OTUD5: variants seen among roughly 807,000 people sequenced by gnomAD.
The protein encoded by OTUD5 is OTU deubiquitinase 5, also known as OTU domain-containing protein 5.
Under a neutral mutation model 36.3 loss-of-function variants are expected in OTUD5, and 2 were observed. The ratio of observed to expected loss-of-function variants is 0.06; its 90% CI spans 0.02 to 0.17. OTUD5 has a LOEUF of 0.17. Among genes scored for constraint, OTUD5 ranks in the 10% least tolerant of loss-of-function variants. The pLI is 1.00. For synonymous variants in OTUD5, 234 were observed against 214.9 expected (o/e 1.09, Z -0.78); for missense variants, 233 against 512.3 (o/e 0.45, Z 5.26).
Position 48,957,395 on chromosome X carries a change from G to A in OTUD5, c.176C>T (p.Ala59Val). 1.8e-6 allele frequency: 2 copies of A among 1,100,765 alleles called. No individual in the cohort carries two copies. Among genetic ancestry groups the A allele is most frequent in the Non-Finnish European group, 2.4e-6 (2 of 848,003 alleles). 90.7% of individuals were successfully genotyped at this position (1,100,765 alleles called of 1,213,427 possible). The change falls in exon 1 of 9, where the codon GCC becomes GTC. Residue 59 changes from alanine to valine, a missense_variant. By Grantham distance (64) the Ala-to-Val change is moderately conservative. This residue lies in a region of OTUD5 where 155 missense variants were observed against 217.2 expected (regional missense o/e 0.71). Coordinates refer to ENST00000376488, the MANE Select transcript of OTUD5 (RefSeq NM_001136157.2). ...DRDRDSGVVG[A>V]RPRASPPPQG... ...AGGCGGTGGCGAAGCTCGCGGACGG[G>A]CCCCCACGACGCCGGAGTCACGGTC...
rs1602387163 is a variant in OTUD5 at position 48,933,656 on chromosome X, G to C, written c.1059+808C>G. Reference sequence around the variant, plus strand: ...TGGTCTTGAACCCCTGACCTCAGGTGATCTGCCAGCCTCGGCTTCCCAAAA... The same window carrying C: ...TGGTCTTGAACCCCTGACCTCAGGTCATCTGCCAGCCTCGGCTTCCCAAAA... On this transcript the variant is annotated intron_variant, in intron 5 of 8. Coordinates refer to ENST00000376488, the MANE Select transcript of OTUD5 (RefSeq NM_001136157.2). Among the ~76,000 whole-genome samples, 3 of 111,771 alleles carry C rather than the reference G, an allele frequency of 2.7e-5. No individual in the cohort carries two copies. In the Admixed American group the frequency reaches 2.9e-4, roughly 11 times the overall value.
chrX:48,931,447 A>T (rs2063749091), intron 5 of OTUD5, among the ~76,000 whole-genome samples: 1 of 112,772 alleles, frequency 8.9e-6, no homozygotes, highest in Non-Finnish European at 1.9e-5. Context: ...ACTATCAAAG[A>T]TAAAGGGGCC....
intron 1 of OTUD5, among the ~76,000 whole-genome samples, chrX:48,946,964 T>C (rs782315872): frequency 3.6e-5 from 4 of 112,169 alleles, no homozygotes; most frequent in Admixed American, 9.4e-5. Flanking sequence ...GACAGTGAAA[T>C]GAATCAGACT....
chrX:48,933,859 G>A lies in OTUD5; in HGVS notation c.1059+605C>T, dbSNP rs782738549. ...AATGAAGCAGGAGTACTTTGTGTTT[G>A]TAGAAGTGAAACCTGAATAGAAGAT... On this transcript the variant is annotated intron_variant, in intron 5 of 8. Transcript: ENST00000376488. Among the ~76,000 whole-genome samples the A allele has an allele frequency of 2.1e-4, 23 of 112,115 alleles. No homozygotes were observed. In the East Asian group the frequency reaches 5.0e-3, roughly 24 times the overall value.
In OTUD5 at chrX:48,938,383, AG is replaced by A. The variant is rs781955484; in HGVS notation, c.689-3366del. 2.1e-4 allele frequency among the ~76,000 whole-genome samples: 24 copies of A among 112,136 alleles called. No homozygotes were observed. In the South Asian group the frequency reaches 7.7e-3, roughly 36 times the overall value. On this transcript the variant is annotated intron_variant, in intron 2 of 8. Transcript: ENST00000376488. Reference sequence around the variant, plus strand: ...CATCTAAGCACAGAGCTAAACACATAGGAAGTACTCAACAAGAATTCATTTT... The same window carrying A: ...CATCTAAGCACAGAGCTAAACACATAGAAGTACTCAACAAGAATTCATTTT...
Position 48,922,731 on chromosome X carries a change from C to T in OTUD5, c.*443G>A. The T allele has an allele frequency of 1.3e-6, 1 of 759,561 alleles. No individual in the cohort carries two copies. The highest frequency in any genetic ancestry group is 2.3e-5 in the African/African-American group (1 of 43,985). 62.6% of individuals were successfully genotyped at this position (759,561 alleles called of 1,213,427 possible). A position where few individuals can be genotyped will look rare whatever the true frequency, so the allele number is the denominator to read the frequency against. On this transcript the variant is annotated 3_prime_UTR_variant, in exon 9 of 9. Transcript: ENST00000376488. ...GGGAAGGGAAATTTCCCACTTCTTC[C>T]TCCCACCTCCCTGGCATCAGTGTCG...
At chrX:48,930,672 G>A (rs1256280491) in intron 5 of OTUD5, among the ~76,000 whole-genome samples, 2 of 111,615 alleles carry the variant, frequency 1.8e-5, no homozygotes, top group Admixed American at 1.9e-4. Context: ...AGAAATGGCT[G>A]ATTGAGCTGG....
rs1332447074 is a variant in OTUD5, at chrX:48,957,219, C to T, written c.352G>A (p.Gly118Ser). 2.7e-6 allele frequency: 3 copies of T among 1,095,543 alleles called. No homozygotes were observed. In the Admixed American group the frequency reaches 1.1e-4, roughly 39 times the overall value. The allele number at this position is 1,095,543 out of a possible 1,213,427, so 90.3% of individuals were successfully genotyped here. A position where few individuals can be genotyped will look rare whatever the true frequency, so the allele number is the denominator to read the frequency against. Residue 118 changes from glycine (G) to serine (S), a missense_variant, in exon 1 of 9, where the codon GGC (glycine) becomes AGC (serine). Gly to Ser is a moderately conservative substitution (Grantham distance 56). Coordinates refer to ENST00000376488, the MANE Select transcript of OTUD5 (RefSeq NM_001136157.2). The part of the protein sequence containing the change: ...GPGGGPGDAL[G>S]AAAAGVGAAG... ...GCACCCACACCCGCCGCCGCTGCGC[C>T]CAGCGCGTCGCCGGGACCGCCGCCG... is the stretch of plus-strand genomic sequence containing the variant.
intron 5 of OTUD5, among the ~76,000 whole-genome samples, chrX:48,930,384 A>T (rs782244905): frequency 1.8e-5 from 2 of 112,012 alleles, no homozygotes; most frequent in East Asian, 5.6e-4. Flanking sequence ...TGGAGAGGGA[A>T]TTTGCAGATG....
At position 48,923,222 on chromosome X, in the gene OTUD5, A is replaced by G; in HGVS notation, c.1653T>C (p.Ser551=). Residue 551 remains serine, a synonymous_variant, in exon 9 of 9, where the codon AGT becomes AGC. Coordinates refer to ENST00000376488, the MANE Select transcript of OTUD5 (RefSeq NM_001136157.2). The stretch of plus-strand genomic sequence containing the variant: ...CTCTGTGCACTTTGTTTTTCTTCAT[A>G]CTGTCTAGGTATTCCTGTTGGGACA... ...LAVSQQEYLD[S]MKKNKVHRDP... 8.3e-7 allele frequency: 1 copy of G among 1,208,335 alleles called. No individual in the cohort carries two copies. The highest frequency in any genetic ancestry group is 1.1e-6 in the Non-Finnish European group (1 of 893,064).
rs1557055622 is a variant in OTUD5 at position 48,957,114 on chromosome X, G to A, written c.457C>T (p.Arg153Cys). The A allele has an allele frequency of 8.5e-7, 1 of 1,171,965 alleles. No homozygotes were observed. Among genetic ancestry groups the A allele is most frequent in the Non-Finnish European group, 1.1e-6 (1 of 879,540 alleles). ...CSGPGHSKRR[R>C]QAPGVGAVGG... ...ACCGCGCCAACCCCGGGAGCTTGAC[G>A]TCGCCGCTTGCTGTGCCCAGGCCCG... The change falls in exon 1 of 9, where the codon CGT becomes TGT. Residue 153 changes from arginine to cysteine, a missense_variant. By Grantham distance (180) the Arg-to-Cys change is radical. This residue lies in a region of OTUD5 where 155 missense variants were observed against 217.2 expected (regional missense o/e 0.71). Coordinates refer to ENST00000376488, the MANE Select transcript of OTUD5 (RefSeq NM_001136157.2).
At chrX:48,938,342 T>C (rs1365489811) in intron 2 of OTUD5, among the ~76,000 whole-genome samples, 2 of 111,634 alleles carry the variant, frequency 1.8e-5, no homozygotes, top group African/African-American at 6.5e-5. Context: ...TCTCCAATAA[T>C]ATAAGGCAGG....
At chrX:48,941,463 A>G (rs1438163544) in intron 2 of OTUD5, among the ~76,000 whole-genome samples, 1 of 79,149 alleles carries the variant, frequency 1.3e-5, no homozygotes, top group Non-Finnish European at 2.5e-5. Context: ...AAAAAAAAAA[A>G]AAAAAAAGAA....
At chrX:48,941,304 G>A (rs150576388) in intron 2 of OTUD5, among the ~76,000 whole-genome samples, 1,746 of 108,416 alleles carry the variant, frequency 0.016, 14 homozygotes, top group Non-Finnish European at 0.027. Context: ...GGTGGTGCAC[G>A]CCTGTAATCC....
Position 48,957,254 on chromosome X carries a change from G to A in OTUD5, c.317C>T (p.Pro106Leu), listed in dbSNP as rs1174352446. 7.3e-6 allele frequency: 8 copies of A among 1,099,195 alleles called. No homozygotes were observed. The highest frequency in any genetic ancestry group is 9.4e-6 in the Non-Finnish European group (8 of 849,961). 90.6% of individuals were successfully genotyped at this position (1,099,195 alleles called of 1,213,427 possible). ...QQASPPPCGG[P>L]GGPGGGPGDA... ...GCCGGGACCGCCGCCGGGACCACCT[G>A]GGCCCCCGCAAGGAGGTGGAGAAGC... Residue 106 changes from proline (P) to leucine (L), a missense_variant, in exon 1 of 9, where the codon CCA (proline) becomes CTA (leucine). Physicochemically the swap from Pro to Leu is moderately conservative, Grantham distance 98. Around this residue, in one of 3 missense-constraint regions of OTUD5, gnomAD observed 155 missense variants for 217.2 expected, o/e 0.71. Coordinates refer to ENST00000376488, the MANE Select transcript of OTUD5 (RefSeq NM_001136157.2).
At chrX:48,957,902 A>C, upstream of OTUD5, 1 of 634,981 alleles carries the variant, frequency 1.6e-6, no homozygotes, top group Non-Finnish European at 1.9e-6. Context: ...AACAGAACCA[A>C]AACAAGCACC....
At chrX:48,937,537 G>A (rs1243220414) in intron 2 of OTUD5, among the ~76,000 whole-genome samples, 2 of 112,207 alleles carry the variant, frequency 1.8e-5, no homozygotes, top group African/African-American at 3.2e-5. Flanking sequence ...AGGAGACTGT[G>A]GAACAGGGAA....
chrX:48,957,716 CGGCGGCGGAGGA>C (rs1465073395), upstream of OTUD5: 817 of 781,700 alleles, frequency 1.0e-3, 1 homozygote, highest in Non-Finnish European at 1.2e-3. Context: ...CGAGAACCCT[CGGCGGCGGAGGA>C]GGCGGCGGCG....
chrX:48,926,382 G>A (rs2063666751), intron 5 of OTUD5, among the ~76,000 whole-genome samples: 1 of 105,804 alleles, frequency 9.5e-6, no homozygotes, highest in Non-Finnish European at 1.9e-5. Context: ...ACGAAGTATC[G>A]CTCTGTCGCC....
Sources: allele counts gnomAD v4.1 joint callset (sites outside exome capture counted in the v4.1 genomes callset), GRCh38; gene constraint gnomAD v4.1.1; regional missense constraint gnomAD v4.1.1; transcripts MANE v1.5; gene names NCBI Gene and HGNC (gene_info 2026-07-23, HGNC 2026-07-21).